Variants in MBP observed in about 807,000 individuals in gnomAD.
MBP encodes the protein Golli-MBP.
MBP carries 16 observed loss-of-function variants against 35.8 expected under a neutral mutation model. The ratio of observed to expected loss-of-function variants is 0.45; its 90% CI spans 0.30 to 0.68. MBP has a LOEUF of 0.68. Among genes scored for constraint, MBP ranks in the 30% least tolerant of loss-of-function variants. MBP has a pLI of 0.08. For missense variants in MBP, 380 were observed against 404.7 expected (o/e 0.94, Z 0.52); for synonymous variants, 143 against 159.6 (o/e 0.90, Z 0.78).
chr18:77,009,512 C>T (rs192922055), intron 4 of MBP, among the ~76,000 whole-genome samples: 46 of 152,368 alleles, frequency 3.0e-4, no homozygotes, highest in Middle Eastern at 3.4e-3. Flanking sequence ...GAGCCACTCC[C>T]GGGCCCCTCC....
chr18:76,985,889 C>T, intron 7 of MBP: 1 of 987,142 alleles, frequency 1.0e-6, no homozygotes, highest in East Asian at 1.1e-4. Context: ...CTGCCCTGGC[C>T]TCATCAGCCC....
chr18:77,091,146 A>G (rs1322476959), intron 2 of MBP, among the ~76,000 whole-genome samples: 4 of 152,196 alleles, frequency 2.6e-5, no homozygotes, highest in African/African-American at 7.2e-5. Context: ...AAGTGCCTCA[A>G]TGCAATTATG....
chr18:77,109,996 A>G (rs949519874), intron 1 of MBP: 1 of 152,224 alleles, frequency 6.6e-6, no homozygotes, highest in Non-Finnish European at 1.5e-5. Flanking sequence ...TATGGAGATA[A>G]CAGGATTTAT....
At chr18:77,029,318 G>C (rs1190673731) in intron 3 of MBP, among the ~76,000 whole-genome samples, 1 of 150,110 alleles carries the variant, frequency 6.7e-6, no homozygotes, top group Non-Finnish European at 1.5e-5. Context: ...GGCTGAGGCA[G>C]GAGAATCAGG....
chr18:77,039,108 C>G (rs1209742382), intron 3 of MBP, among the ~76,000 whole-genome samples: 1 of 152,208 alleles, frequency 6.6e-6, no homozygotes, highest in Admixed American at 6.5e-5. Flanking sequence ...GAAACACAGT[C>G]ACACTCATTT....
chr18:77,092,741 T>C (rs1975587911), intron 2 of MBP, among the ~76,000 whole-genome samples: 3 of 151,888 alleles, frequency 2.0e-5, no homozygotes, highest in South Asian at 4.1e-4. Context: ...CGAGTCCAGC[T>C]AAAAACAAGA....
chr18:77,038,169 A>G (rs1230795899), intron 3 of MBP, among the ~76,000 whole-genome samples: 1 of 152,258 alleles, frequency 6.6e-6, no homozygotes, highest in Non-Finnish European at 1.5e-5. Flanking sequence ...TGCGAGCCGC[A>G]TAGAAATTAA....
rs1399448853 is a variant in MBP at position 77,102,536 on chromosome 18, C to G, written c.51+2675G>C. On this transcript the variant is annotated intron_variant, in intron 2 of 8. Transcript: ENST00000355994. The surrounding 1 kb of genome is among the most constrained non-coding windows in gnomAD (Gnocchi z 4.4). ...TACTTCTTAAAACTACCTACAGGAA[C>G]CATAGTTTTAACATTTCCAAGTTTT... 6.6e-6 allele frequency among the ~76,000 whole-genome samples: 1 copy of G among 152,150 alleles called. No homozygotes were observed. Among genetic ancestry groups the G allele is most frequent in the Non-Finnish European group, 1.5e-5 (1 of 68,022 alleles).
At chr18:77,031,177 T>C (rs894878311) in intron 3 of MBP, among the ~76,000 whole-genome samples, 2 of 152,240 alleles carry the variant, frequency 1.3e-5, no homozygotes, top group African/African-American at 4.8e-5. Context: ...TGAAATAAGA[T>C]AATACAACTT....
At chr18:77,032,272 T>C (rs948494576) in intron 3 of MBP, among the ~76,000 whole-genome samples, 4 of 152,220 alleles carry the variant, frequency 2.6e-5, no homozygotes, top group Non-Finnish European at 5.9e-5. Flanking sequence ...AAAAGGGCCA[T>C]GGTGTGGCCT....
At chr18:77,120,150 C>G (rs1360700827) in intron 1 of MBP, among the ~76,000 whole-genome samples, 1 of 152,260 alleles carries the variant, frequency 6.6e-6, no homozygotes, top group African/African-American at 2.4e-5. Flanking sequence ...GGTTCGCTCT[C>G]GCTTGGTGCG....
chr18:77,013,499 TG>T (rs1741362132), intron 4 of MBP: 1 of 985,210 alleles, frequency 1.0e-6, no homozygotes, highest in South Asian at 4.7e-5. Flanking sequence ...TAAAATGCAA[TG>T]GAAAAAAAAT....
intron 4 of MBP, among the ~76,000 whole-genome samples, chr18:77,000,784 C>T (rs1483316723): frequency 6.6e-6 from 1 of 152,134 alleles, no homozygotes; most frequent in East Asian, 1.9e-4. Context: ...GCTGGGCGTT[C>T]TGAAACTGGG....
chr18:77,016,537 A>G, intron 4 of MBP: 1 of 1,257,078 alleles, frequency 8.0e-7, no homozygotes, highest in Non-Finnish European at 1.0e-6. Context: ...CTCTTTCTGC[A>G]ACGCCCATGT....
intron 2 of MBP, among the ~76,000 whole-genome samples, chr18:77,087,996 C>G (rs755529851): frequency 2.6e-5 from 4 of 152,012 alleles, no homozygotes; most frequent in Non-Finnish European, 5.9e-5. Flanking sequence ...AGGTTCCCAC[C>G]CTCCGAGCCC....
At chr18:77,077,035 A>G (rs1304744696) in intron 2 of MBP, among the ~76,000 whole-genome samples, 1 of 152,156 alleles carries the variant, frequency 6.6e-6, no homozygotes, top group Non-Finnish European at 1.5e-5. Flanking sequence ...AGTGCCTGGC[A>G]CAGAATTAGT....
intron 2 of MBP, among the ~76,000 whole-genome samples, chr18:77,090,247 G>A (rs186355748): frequency 2.0e-5 from 3 of 152,238 alleles, no homozygotes; most frequent in East Asian, 3.9e-4. Flanking sequence ...AAACAAAGTC[G>A]CAACTCTAGC....
intron 1 of MBP, among the ~76,000 whole-genome samples, chr18:77,132,078 C>G (rs562659000): frequency 1.6e-4 from 24 of 152,226 alleles, no homozygotes; most frequent in African/African-American, 5.8e-4. Flanking sequence ...CCCCCCAGCC[C>G]GCCCTGGCAG....
chr18:77,038,888 C>T (rs1018462564), intron 3 of MBP, among the ~76,000 whole-genome samples: 2 of 152,152 alleles, frequency 1.3e-5, no homozygotes, highest in African/African-American at 2.4e-5. Context: ...CAGAACAACA[C>T]GATATCACTG....
Sources: allele counts gnomAD v4.1 joint callset (sites outside exome capture counted in the v4.1 genomes callset), GRCh38; gene constraint gnomAD v4.1.1; non-coding constraint Gnocchi (gnomAD v3.1); transcripts MANE v1.5; gene names NCBI Gene and HGNC (gene_info 2026-07-23, HGNC 2026-07-21).